Variants in CACNA1A observed in about 807,000 individuals in gnomAD.
CACNA1A encodes calcium voltage-gated channel subunit alpha1 A, also known as voltage-dependent P/Q-type calcium channel subunit alpha-1A.
In CACNA1A, 57 loss-of-function variants were observed where a neutral mutation model predicts 262.4. That is an observed-to-expected ratio of 0.22 (90% CI 0.18 to 0.27). The LOEUF (loss-of-function observed/expected upper bound fraction) is 0.27. Ranked by LOEUF, CACNA1A falls within the 10% of genes least tolerant of loss-of-function variation. The probability of loss-of-function intolerance (pLI) is 1.00; values close to 1 mark genes in which losing one functional copy is unlikely to be tolerated. For synonymous variants in CACNA1A, 1,431 were observed against 1,419.3 expected, an observed-to-expected ratio of 1.01 and a Z score of -0.18; for missense variants, 2,526 against 3,562.8, an observed-to-expected ratio of 0.71 and a Z score of 7.41.
intron 30 of CACNA1A, among the ~76,000 whole-genome samples, chr19:13,247,301 G>GTT (rs2056263664): frequency 6.6e-6 from 1 of 152,218 alleles, no homozygotes; most frequent in Admixed American, 6.5e-5. Flanking sequence ...GAAGGCAGTG[G>GTT]TAACACAGCA....
chr19:13,469,464 T>A (rs908416185), intron 1 of CACNA1A, among the ~76,000 whole-genome samples: 1 of 108,092 alleles, frequency 9.3e-6, no homozygotes, highest in Non-Finnish European at 1.7e-5. Context: ...CCACCTCTTT[T>A]TTTTTTTTTT....
chr19:13,403,954 C>G (rs1326080093), intron 3 of CACNA1A, among the ~76,000 whole-genome samples: 1 of 151,694 alleles, frequency 6.6e-6, no homozygotes, highest in Non-Finnish European at 1.5e-5. Flanking sequence ...AAGAATGCAT[C>G]CCAAAAAGAA....
rs140602992 is a variant in CACNA1A at position 13,419,427 on chromosome 19, G to A, written c.539+33449C>T. Among the ~76,000 whole-genome samples the A allele has an allele frequency of 3.8e-3, 580 of 152,310 alleles. 6 individuals are homozygous for A. Among genetic ancestry groups the A allele is most frequent in the African/African-American group, 0.013 (541 of 41,564 alleles). Reference sequence around the variant, plus strand: ...ACAGTGGCTCATATCTGTAATCCCAGCACTTTGGGAGGTTAAGGTGGGAGG... The same window carrying A: ...ACAGTGGCTCATATCTGTAATCCCAACACTTTGGGAGGTTAAGGTGGGAGG... On this transcript the variant is annotated intron_variant, in intron 3 of 46. Coordinates refer to ENST00000360228, the MANE Select transcript of CACNA1A (RefSeq NM_001127222.2).
rs572447349 is a variant in CACNA1A at position 13,478,914 on chromosome 19, C to G, written c.294-23702G>C. Among the ~76,000 whole-genome samples, 14 of 152,292 alleles carry G rather than the reference C, an allele frequency of 9.2e-5. No homozygotes were observed. The South Asian group carries it at 2.9e-3, about 32-fold the overall frequency. On this transcript the variant is annotated intron_variant, in intron 1 of 46. Coordinates refer to ENST00000360228, the MANE Select transcript of CACNA1A (RefSeq NM_001127222.2). ...CCAAAAGATCAGGTGTGGTGGCTCACAGTAATCCCAGCACTTTGGAAGGCT... is the reference window on the plus strand; with the variant it reads ...CCAAAAGATCAGGTGTGGTGGCTCAGAGTAATCCCAGCACTTTGGAAGGCT...
intron 38 of CACNA1A, among the ~76,000 whole-genome samples, chr19:13,215,606 C>A (rs1376612708): frequency 6.8e-6 from 1 of 146,518 alleles, no homozygotes; most frequent in Admixed American, 7.2e-5. Flanking sequence ...ATGCGTGAGC[C>A]ACCGCGTCTG....
chr19:13,374,702 T>C (rs537694624), intron 3 of CACNA1A, among the ~76,000 whole-genome samples: 1 of 152,350 alleles, frequency 6.6e-6, no homozygotes, highest in South Asian at 2.1e-4. Flanking sequence ...TGTCAGGGCA[T>C]GAACAGCAAA....
intron 1 of CACNA1A, among the ~76,000 whole-genome samples, chr19:13,485,608 A>G (rs910444332): frequency 1.3e-5 from 2 of 152,230 alleles, no homozygotes; most frequent in Non-Finnish European, 2.9e-5. Context: ...AATAGTCAAT[A>G]AATATTTTAA....
chr19:13,212,314 G>T lies in CACNA1A; in HGVS notation c.6189+70C>A. The T allele has an allele frequency of 1.9e-6, 3 of 1,578,482 alleles. No homozygotes were observed. The highest frequency in any genetic ancestry group is 2.6e-6 in the Non-Finnish European group (3 of 1,150,814). On this transcript the variant is annotated intron_variant, in intron 42 of 46. Coordinates refer to ENST00000360228, the MANE Select transcript of CACNA1A (RefSeq NM_001127222.2). The surrounding 1 kb of genome is among the most constrained non-coding windows in gnomAD (Gnocchi z 5.6). ...GGAGCTGCAGGTGTGTGTGTGTGGG[G>T]GGCCCAGATCCCTTCCACCTGAACC...
intron 5 of CACNA1A, chr19:13,365,072 T>G: frequency 5.9e-6 from 2 of 339,808 alleles, no homozygotes; most frequent in Non-Finnish European, 1.1e-5. Context: ...ATTCCCCCGA[T>G]GGTGCTTCCT....
At chr19:13,350,801 C>T (rs778812114) in intron 6 of CACNA1A, among the ~76,000 whole-genome samples, 11 of 152,030 alleles carry the variant, frequency 7.2e-5, no homozygotes, top group South Asian at 2.1e-4. Context: ...GCCAGTAGCT[C>T]GAGGACAGCG....
chr19:13,506,161 C>T lies in CACNA1A; in HGVS notation c.64G>A (p.Gly22Arg). ...YGGGGSGAAAGVVVGSGGGRG... is the reference protein window; with the variant it reads ...YGGGGSGAAARVVVGSGGGRG... ...CCGCCTCCGCTGCCCACGACCACCC[C>T]GGCGGCTGCCCCGGAGCCTCCTCCC... The change falls in exon 1 of 47, where the codon GGG becomes AGG. Residue 22 changes from glycine to arginine, a missense_variant. Gly to Arg is a moderately radical substitution (Grantham distance 125, BLOSUM62 -2). Coordinates refer to ENST00000360228, the MANE Select transcript of CACNA1A (RefSeq NM_001127222.2). 6.5e-7 allele frequency: 1 copy of T among 1,548,126 alleles called. No individual in the cohort carries two copies. Among genetic ancestry groups the T allele is most frequent in the Non-Finnish European group, 8.7e-7 (1 of 1,146,886 alleles).
intron 34 of CACNA1A, 169 bp downstream of exon 34, chr19:13,234,752 C>T (rs1600137907): frequency 2.4e-6 from 1 of 421,266 alleles, no homozygotes; most frequent in Admixed American, 5.0e-5. Flanking sequence ...AAGAGAAGGG[C>T]ACGCCCCCTA....
At chr19:13,285,919 G>C (rs145528197) in intron 20 of CACNA1A, among the ~76,000 whole-genome samples, 77 of 148,428 alleles carry the variant, frequency 5.2e-4, no homozygotes, top group African/African-American at 1.5e-3. Flanking sequence ...GACACTAGAT[G>C]AACTTAAGAC....
intron 3 of CACNA1A, among the ~76,000 whole-genome samples, chr19:13,408,592 C>T (rs1171335138): frequency 1.3e-5 from 2 of 152,104 alleles, no homozygotes; most frequent in African/African-American, 4.8e-5. Flanking sequence ...GTGTGGGGTG[C>T]TAGGGCCATT....
rs183335522 is a variant in CACNA1A, at chr19:13,346,351, G to A, written c.979-10442C>T. 7.9e-5 allele frequency among the ~76,000 whole-genome samples: 12 copies of A among 151,760 alleles called. No homozygotes were observed. In the East Asian group the frequency reaches 1.4e-3, roughly 17 times the overall value. On this transcript the variant is annotated intron_variant, in intron 6 of 46. Transcript: ENST00000360228. Reference sequence around the variant, plus strand: ...TTGCACTGGCTGTTCCATCTACCTCGGCTGCTGTTCCCTGAGATATCTCCA... The same window carrying A: ...TTGCACTGGCTGTTCCATCTACCTCAGCTGCTGTTCCCTGAGATATCTCCA...
At chr19:13,371,851 G>C in intron 3 of CACNA1A, 72 bp from the exon 4 acceptor site, 2 of 1,106,564 alleles carry the variant, frequency 1.8e-6, no homozygotes, top group Non-Finnish European at 2.7e-6. Flanking sequence ...GGGGGTGCTT[G>C]GGATTCCAAG....
At position 13,236,344 on chromosome 19, in the gene CACNA1A, C is replaced by A; in HGVS notation, c.4951-614G>T. ...ACCGGGCACCCTGCCCTGCCCTGCCCTGCCGAGCTGCCCACCCGCTCCTGC... is the reference window on the plus strand; with the variant it reads ...ACCGGGCACCCTGCCCTGCCCTGCCATGCCGAGCTGCCCACCCGCTCCTGC... On this transcript the variant is annotated intron_variant, in intron 31 of 46. Coordinates refer to ENST00000360228, the MANE Select transcript of CACNA1A (RefSeq NM_001127222.2). The surrounding 1 kb of genome is among the most constrained non-coding windows in gnomAD (Gnocchi z 4.6). 6.5e-6 allele frequency: 1 copy of A among 154,166 alleles called. No individual in the cohort carries two copies. The highest frequency in any genetic ancestry group is 1.4e-5 in the Non-Finnish European group (1 of 69,090). The allele number at this position is 154,166 out of a possible 1,614,324, so 9.5% of individuals were successfully genotyped here.
At chr19:13,342,419 G>C (rs140770321) in intron 6 of CACNA1A, among the ~76,000 whole-genome samples, 2 of 152,300 alleles carry the variant, frequency 1.3e-5, no homozygotes, top group East Asian at 3.9e-4. Context: ...GAGAGTGGGG[G>C]AGGATGGCTT....
chr19:13,207,128 T>C lies in CACNA1A; in HGVS notation c.*185A>G. On this transcript the variant is annotated 3_prime_UTR_variant, in exon 47 of 47. Transcript: ENST00000360228. The surrounding 1 kb of genome is among the most constrained non-coding windows in gnomAD (Gnocchi z 5.7). Reference sequence around the variant, plus strand: ...GCCGTGGCTGCCCAGGAGGGTCTCTTTTGGCCGAGGGTCTCTGCGGGACAC... The same window carrying C: ...GCCGTGGCTGCCCAGGAGGGTCTCTCTTGGCCGAGGGTCTCTGCGGGACAC... 1.7e-6 allele frequency: 1 copy of C among 582,668 alleles called. No individual in the cohort carries two copies. The highest frequency in any genetic ancestry group is 2.7e-6 in the Non-Finnish European group (1 of 371,570). 36.1% of individuals were successfully genotyped at this position (582,668 alleles called of 1,614,324 possible). A position where few individuals can be genotyped will look rare whatever the true frequency, so the allele number is the denominator to read the frequency against.
Sources: gnomAD v4.1 joint callset for allele counts (sites outside exome capture counted in the v4.1 genomes callset) on GRCh38, gnomAD v4.1.1 for gene constraint, Gnocchi (gnomAD v3.1) non-coding constraint, MANE v1.5 for transcripts, NCBI Gene and HGNC (gene_info 2026-07-23, HGNC 2026-07-21) for gene names.